The following KIF6 variants were observed in gnomAD, a reference collection of about 807,000 sequenced individuals.
KIF6 encodes the protein kinesin family member 6.
A neutral mutation model predicts 112.7 loss-of-function variants in KIF6; 106 were observed. The observed-to-expected ratio is 0.94, with a 90% CI of 0.80 to 1.11. The LOEUF is 1.11. Among genes scored for constraint, KIF6 ranks in the 50% least tolerant of loss-of-function variants. KIF6 has a pLI of 0.00. For missense variants in KIF6, 929 were observed against 964.0 expected (o/e 0.96, Z 0.48); for synonymous variants, 339 against 339.9 (o/e 1.00, Z 0.03).
At chr6:39,677,417 C>T (rs553615640) in intron 3 of KIF6, among the ~76,000 whole-genome samples, 1 of 152,024 alleles carries the variant, frequency 6.6e-6, no homozygotes, top group South Asian at 2.1e-4. Context: ...ATATAGCAAA[C>T]CTGGACCACA....
intron 3 of KIF6, among the ~76,000 whole-genome samples, chr6:39,694,278 T>C (rs1788399022): frequency 6.6e-6 from 1 of 152,082 alleles, no homozygotes; most frequent in South Asian, 2.1e-4. Context: ...ATGTCCACTC[T>C]CACCACTCCT....
At chr6:39,349,256 T>A (rs1384521070) in intron 19 of KIF6, among the ~76,000 whole-genome samples, 1 of 152,064 alleles carries the variant, frequency 6.6e-6, no homozygotes, top group African/African-American at 2.4e-5. Flanking sequence ...GGAGCACTAT[T>A]CTGATGGGTG....
At chr6:39,549,708 T>C (rs959365515) in intron 10 of KIF6, among the ~76,000 whole-genome samples, 2 of 152,180 alleles carry the variant, frequency 1.3e-5, no homozygotes, top group Non-Finnish European at 1.5e-5. Context: ...CGGACCCCCA[T>C]GACTTGTAAC....
intron 6 of KIF6, among the ~76,000 whole-genome samples, chr6:39,608,601 A>G (rs1486174191): frequency 6.6e-6 from 1 of 152,210 alleles, no homozygotes; most frequent in East Asian, 1.9e-4. Context: ...AATTAGGTAT[A>G]AAGACCTCTA....
chr6:39,634,992 T>G, intron 4 of KIF6, 34 bp from the exon 5 acceptor site: 1 of 1,156,592 alleles, frequency 8.6e-7, no homozygotes, highest in Non-Finnish European at 1.3e-6. Context: ...TATTTATCGG[T>G]TATAACAATG....
chr6:39,553,996 T>C (rs1178816831), intron 10 of KIF6: 1 of 155,232 alleles, frequency 6.4e-6, no homozygotes, highest in Non-Finnish European at 1.5e-5. Flanking sequence ...TTTACAGCAT[T>C]ACCAATGTAT....
intron 13 of KIF6, chr6:39,431,519 G>A (rs1028763352): frequency 1.5e-4 from 29 of 198,546 alleles, no homozygotes; most frequent in Admixed American, 3.6e-4. Context: ...TTTCTCCCTG[G>A]TATGCCCTAT....
At chr6:39,613,082 T>C in intron 6 of KIF6, 107 bp downstream of exon 6, 1 of 823,632 alleles carries the variant, frequency 1.2e-6, no homozygotes, top group Non-Finnish European at 1.7e-6. Flanking sequence ...ATTTTTAAGG[T>C]CATTGTTGGC....
chr6:39,398,482 C>G (rs1029831593), intron 15 of KIF6, among the ~76,000 whole-genome samples: 85 of 152,302 alleles, frequency 5.6e-4, no homozygotes, highest in African/African-American at 2.0e-3. Flanking sequence ...TAAGGAGCAG[C>G]CTTTGCCTTC....
chr6:39,510,915 G>A (rs1481119399), intron 13 of KIF6, among the ~76,000 whole-genome samples: 5 of 143,826 alleles, frequency 3.5e-5, no homozygotes. Flanking sequence ...TTGCAATCCT[G>A]GTCTCTGGTA....
intron 4 of KIF6, among the ~76,000 whole-genome samples, chr6:39,635,334 T>C (rs534361349): frequency 6.6e-6 from 1 of 152,226 alleles, no homozygotes; most frequent in South Asian, 2.1e-4. Flanking sequence ...GAATAGTCTA[T>C]TCATAAAAAA....
chr6:39,333,456 G>C lies in KIF6; in HGVS notation c.*3076C>G, dbSNP rs1434009981. 6.6e-6 allele frequency: 1 copy of C among 152,254 alleles called. No homozygotes were observed. The highest frequency in any genetic ancestry group is 1.5e-5 in the Non-Finnish European group (1 of 68,080). 9.4% of individuals were successfully genotyped at this position (152,254 alleles called of 1,614,324 possible). The stretch of plus-strand genomic sequence containing the variant: ...CAGGCTGTAGACTGGGCTCAGGTCT[G>C]CTCTCTGGATGTTCCAGGCTGAAGG... On this transcript the variant is annotated 3_prime_UTR_variant, in exon 23 of 23. Transcript: ENST00000287152.
chr6:39,489,642 T>A (rs186445593), intron 13 of KIF6, among the ~76,000 whole-genome samples: 231 of 152,156 alleles, frequency 1.5e-3, no homozygotes, highest in African/African-American at 5.3e-3. Context: ...GGAGTGTGTT[T>A]CCCCCAGTGA....
intron 22 of KIF6, among the ~76,000 whole-genome samples, chr6:39,337,054 TTCTTTC>T (rs1396178337): frequency 2.4e-5 from 2 of 85,056 alleles, no homozygotes; most frequent in African/African-American, 7.3e-5. Context: ...TCCTTTTTCT[TTCTTTC>T]TTTCTTTCTC....
chr6:39,401,216 C>G lies in KIF6; in HGVS notation c.1811-15544G>C, dbSNP rs180804312. On this transcript the variant is annotated intron_variant, in intron 15 of 22. Coordinates refer to ENST00000287152, the MANE Select transcript of KIF6 (RefSeq NM_145027.6). ...GTTACAGTGGCCGGAGGCCAGTAGC[C>G]TTTCTGCAGTTGCTCAAGTCACTTT... 3.4e-3 allele frequency among the ~76,000 whole-genome samples: 516 copies of G among 152,376 alleles called. 8 individuals are homozygous for G. Among genetic ancestry groups the G allele is most frequent in the Non-Finnish European group, 5.2e-3 (357 of 68,036 alleles).
chr6:39,496,572 C>A (rs1028607474), intron 13 of KIF6, among the ~76,000 whole-genome samples: 1 of 152,062 alleles, frequency 6.6e-6, no homozygotes, highest in Non-Finnish European at 1.5e-5. Context: ...AGTGACTACC[C>A]CCCCAACTCC....
At chr6:39,583,229 C>T (rs950446075) in intron 9 of KIF6, 1 of 244,204 alleles carries the variant, frequency 4.1e-6, no homozygotes, top group South Asian at 4.9e-5. Context: ...TGTCTTGGGG[C>T]TAATAACTTT....
At chr6:39,542,316 A>C (rs1778832337) in intron 12 of KIF6, among the ~76,000 whole-genome samples, 1 of 152,102 alleles carries the variant, frequency 6.6e-6, no homozygotes, top group Non-Finnish European at 1.5e-5. Flanking sequence ...CTTTGTGCTA[A>C]ACACTTTGCT....
At chr6:39,551,420 A>G (rs932570260) in intron 10 of KIF6, among the ~76,000 whole-genome samples, 4 of 152,194 alleles carry the variant, frequency 2.6e-5, no homozygotes, top group African/African-American at 9.6e-5. Flanking sequence ...AAGATCCAGT[A>G]TTCAGTGGCA....
Sources: gnomAD v4.1 joint callset for allele counts (sites outside exome capture counted in the v4.1 genomes callset) on GRCh38, gnomAD v4.1.1 for gene constraint, MANE v1.5 for transcripts, NCBI Gene and HGNC (gene_info 2026-07-23, HGNC 2026-07-21) for gene names.